The following RHBDD1 variants were observed in gnomAD, a reference collection of about 807,000 sequenced individuals.
RHBDD1 encodes the protein rhomboid-related protein 4.
A neutral mutation model predicts 36.3 loss-of-function variants in RHBDD1; 38 were observed. The ratio of observed to expected loss-of-function variants is 1.05; its 90% CI spans 0.81 to 1.37. RHBDD1 has a LOEUF of 1.37. Ranked by LOEUF, RHBDD1 falls within the 40% of genes most tolerant of loss-of-function variation. The pLI is 0.00. For missense variants in RHBDD1, 393 were observed against 377.6 expected (o/e 1.04, Z -0.34); for synonymous variants, 151 against 136.5 (o/e 1.11, Z -0.74).
chr2:226,905,136 T>C (rs917399048), intron 5 of RHBDD1, among the ~76,000 whole-genome samples: 1 of 150,816 alleles, frequency 6.6e-6, no homozygotes, highest in African/African-American at 2.4e-5. Context: ...TTCCAGGCTG[T>C]GGGAATGCGT....
chr2:226,908,255 C>G (rs1363605871), intron 6 of RHBDD1: 2 of 152,158 alleles, frequency 1.3e-5, no homozygotes, highest in African/African-American at 2.4e-5. Flanking sequence ...TGGAAAACGA[C>G]CCAGCATGTG....
chr2:226,828,208 A>C, the RHBDD1 span, among the ~76,000 whole-genome samples: 1 of 152,308 alleles, frequency 6.6e-6, no homozygotes, highest in Non-Finnish European at 1.5e-5. Context: ...ATGTAAATGG[A>C]ATCACACTAT....
chr2:226,967,759 A>G (rs1441378774), intron 8 of RHBDD1, among the ~76,000 whole-genome samples: 1 of 151,942 alleles, frequency 6.6e-6, no homozygotes, highest in Non-Finnish European at 1.5e-5. Context: ...CCCAAGAGGC[A>G]TTTGCAAATG....
rs962771237 is a variant in RHBDD1, at chr2:226,886,864, CTTTAA to C, written c.566+19552_566+19556del. 2.3e-4 allele frequency among the ~76,000 whole-genome samples: 35 copies of C among 151,888 alleles called. 1 individual carries two copies. The highest frequency in any genetic ancestry group is 7.5e-4 in the African/African-American group (31 of 41,438). ...ATTTTAAAGAGTAAGTAAGCTTAGTCTTTAATTTAAAGAACTAGAAAAGGAACAAA... is the reference window on the plus strand; with the variant it reads ...ATTTTAAAGAGTAAGTAAGCTTAGTCTTTAAAGAACTAGAAAAGGAACAAA... On this transcript the variant is annotated intron_variant, in intron 5 of 8. Transcript: ENST00000392062.
At position 226,996,963 on chromosome 2, in the gene RHBDD1, G is replaced by T. The variant is rs149696275; in HGVS notation, c.*1441G>T. The T allele has an allele frequency of 6.6e-6, 1 of 152,268 alleles. No individual in the cohort carries two copies. Among genetic ancestry groups the T allele is most frequent in the East Asian group, 1.9e-4 (1 of 5,186 alleles). 9.4% of individuals were successfully genotyped at this position (152,268 alleles called of 1,614,324 possible). On this transcript the variant is annotated 3_prime_UTR_variant, in exon 9 of 9. Coordinates refer to ENST00000392062, the MANE Select transcript of RHBDD1 (RefSeq NM_001167608.3). ...AGCCCTACCCTTAGAGGTACCCAGG[G>T]TTAACATTTTGGTGGTATTGTCTTA...
intron 8 of RHBDD1, among the ~76,000 whole-genome samples, chr2:226,947,829 C>T (rs1311412197): frequency 6.6e-6 from 1 of 152,152 alleles, no homozygotes; most frequent in Non-Finnish European, 1.5e-5. Context: ...CTCATCATCA[C>T]TGGCCATCAG....
intron 8 of RHBDD1, among the ~76,000 whole-genome samples, chr2:226,920,667 A>G (rs536874843): frequency 6.6e-6 from 1 of 152,178 alleles, no homozygotes; most frequent in South Asian, 2.1e-4. Context: ...ATCTGTTGAT[A>G]TAGTGTACCA....
At chr2:226,931,118 T>C (rs1411510502) in intron 8 of RHBDD1, among the ~76,000 whole-genome samples, 1 of 151,796 alleles carries the variant, frequency 6.6e-6, no homozygotes, top group Non-Finnish European at 1.5e-5. Context: ...TCCATTTGAT[T>C]CAGCATTCCC....
At chr2:226,888,177 T>C (rs996060792) in intron 5 of RHBDD1, among the ~76,000 whole-genome samples, 8 of 152,160 alleles carry the variant, frequency 5.3e-5, no homozygotes, top group African/African-American at 1.9e-4. Flanking sequence ...GCAGCATTGG[T>C]GGAATATTTA....
intron 3 of RHBDD1, among the ~76,000 whole-genome samples, chr2:226,844,682 A>G (rs1024072125): frequency 6.6e-6 from 1 of 152,220 alleles, no homozygotes; most frequent in Admixed American, 6.5e-5. Flanking sequence ...GGACGCTGGC[A>G]TTGCTGTTCC....
the RHBDD1 span, among the ~76,000 whole-genome samples, chr2:226,814,011 T>G: frequency 6.6e-6 from 1 of 152,232 alleles, no homozygotes; most frequent in Non-Finnish European, 1.5e-5. Context: ...ATTTATTTCT[T>G]CTCTGAGAGT....
chr2:226,825,267 A>C, the RHBDD1 span, among the ~76,000 whole-genome samples: 3 of 152,154 alleles, frequency 2.0e-5, no homozygotes, highest in Non-Finnish European at 4.4e-5. Flanking sequence ...TCAGAATTTT[A>C]GTTGGTTAAA....
chr2:226,870,155 G>A (rs1944670391), intron 5 of RHBDD1, among the ~76,000 whole-genome samples: 1 of 152,156 alleles, frequency 6.6e-6, no homozygotes, highest in South Asian at 2.1e-4. Context: ...CATACTGGCC[G>A]TGGGACCTCG....
chr2:226,916,258 G>A (rs1004369603), intron 8 of RHBDD1, among the ~76,000 whole-genome samples: 11 of 152,222 alleles, frequency 7.2e-5, no homozygotes, highest in Non-Finnish European at 1.3e-4. Flanking sequence ...GTTATGGATA[G>A]AGGGAGAGGT....
At chr2:226,894,794 G>T (rs1946966166) in intron 5 of RHBDD1, among the ~76,000 whole-genome samples, 1 of 152,176 alleles carries the variant, frequency 6.6e-6, no homozygotes, top group African/African-American at 2.4e-5. Flanking sequence ...GTAGCAGGGT[G>T]ATGTCAGACA....
At chr2:226,806,839 A>G in the RHBDD1 span, among the ~76,000 whole-genome samples, 1 of 152,260 alleles carries the variant, frequency 6.6e-6, no homozygotes, top group African/African-American at 2.4e-5. Flanking sequence ...CCAACTTTCT[A>G]TATGAATATT....
chr2:226,935,955 C>T (rs1025151595), intron 8 of RHBDD1, among the ~76,000 whole-genome samples: 1 of 152,116 alleles, frequency 6.6e-6, no homozygotes, highest in Non-Finnish European at 1.5e-5. Flanking sequence ...TGCAAATTTT[C>T]ACTGCTGCCT....
chr2:226,963,289 A>G (rs1952362947), intron 8 of RHBDD1, among the ~76,000 whole-genome samples: 1 of 152,248 alleles, frequency 6.6e-6, no homozygotes, highest in African/African-American at 2.4e-5. Flanking sequence ...ATCATGATAC[A>G]GAACTCAGAT....
intron 8 of RHBDD1, among the ~76,000 whole-genome samples, chr2:226,932,579 C>T (rs1950088908): frequency 6.6e-6 from 1 of 151,934 alleles, no homozygotes; most frequent in Non-Finnish European, 1.5e-5. Flanking sequence ...TTCAGGTCCT[C>T]GTTTTGTGCT....
Sources: allele counts gnomAD v4.1 joint callset (sites outside exome capture counted in the v4.1 genomes callset), GRCh38; gene constraint gnomAD v4.1.1; transcripts MANE v1.5; gene names NCBI Gene and HGNC (gene_info 2026-07-23, HGNC 2026-07-21).